ATR: variants seen among roughly 807,000 people sequenced by gnomAD.
ATR encodes ATR checkpoint kinase.
In ATR, 142 loss-of-function variants were observed where a neutral mutation model predicts 305.3. The ratio of observed to expected loss-of-function variants is 0.47; its 90% CI spans 0.41 to 0.53. The LOEUF is 0.53. Ranked by LOEUF, ATR falls within the 20% of genes least tolerant of loss-of-function variation. The pLI, the probability that ATR is intolerant of heterozygous loss-of-function variation, is 0.00. For synonymous variants in ATR, 1,050 were observed against 1,068.1 expected, an observed-to-expected ratio of 0.98 and a Z score of 0.33; for missense variants, 2,135 against 3,133.1, an observed-to-expected ratio of 0.68 and a Z score of 7.60.
In ATR at chr3:142,449,351, T is replaced by C. The variant is rs1040978535; in HGVS notation, c.*78A>G. On this transcript the variant is annotated 3_prime_UTR_variant, in exon 47 of 47. Coordinates refer to ENST00000350721, the MANE Select transcript of ATR (RefSeq NM_001184.4). Reference sequence around the variant, plus strand: ...CGTAAATTTATGTTGTACTTTAGAATTGAACAGATACAACCACAGATTCAT... The same window carrying C: ...CGTAAATTTATGTTGTACTTTAGAACTGAACAGATACAACCACAGATTCAT... 1.0e-5 allele frequency: 14 copies of C among 1,368,260 alleles called. No homozygotes were observed. Among genetic ancestry groups the C allele is most frequent in the Non-Finnish European group, 1.3e-5 (13 of 964,514 alleles). 84.8% of individuals were successfully genotyped at this position (1,368,260 alleles called of 1,614,324 possible).
At chr3:142,530,595 G>A (rs969509047) in intron 21 of ATR, among the ~76,000 whole-genome samples, 1 of 152,184 alleles carries the variant, frequency 6.6e-6, no homozygotes, top group East Asian at 1.9e-4. Flanking sequence ...CGTCAGCATA[G>A]TGAAGTGCAG....
intron 46 of ATR, chr3:142,452,208 G>A: frequency 1.0e-6 from 1 of 997,366 alleles, no homozygotes; most frequent in South Asian, 4.4e-5. Context: ...TCAGTAGGAT[G>A]AAAGTGGACT....
At chr3:142,548,697 C>A (rs115232912) in intron 15 of ATR, among the ~76,000 whole-genome samples, 3,046 of 151,748 alleles carry the variant, frequency 0.02, 105 homozygotes, top group African/African-American at 0.07. Context: ...ATTAAGAGTA[C>A]CTTTATCTCA....
chr3:142,455,984 A>C (rs372194384), intron 45 of ATR, among the ~76,000 whole-genome samples: 7 of 152,264 alleles, frequency 4.6e-5, no homozygotes, highest in African/African-American at 1.7e-4. Context: ...TTTGAAAATC[A>C]TATCTTAAAA....
At chr3:142,486,805 A>G (rs544013073) in intron 35 of ATR, among the ~76,000 whole-genome samples, 1 of 151,964 alleles carries the variant, frequency 6.6e-6, no homozygotes, top group Admixed American at 6.6e-5. Flanking sequence ...TTATATAAAT[A>G]GAATCATACT....
At chr3:142,485,957 T>C (rs1577550986) in intron 35 of ATR, among the ~76,000 whole-genome samples, 2 of 152,350 alleles carry the variant, frequency 1.3e-5, no homozygotes, top group Admixed American at 1.3e-4. Flanking sequence ...CTCTCTTCAA[T>C]ATGTTTCTGT....
At chr3:142,535,668 A>C (rs1480829283) in intron 20 of ATR, among the ~76,000 whole-genome samples, 1 of 152,186 alleles carries the variant, frequency 6.6e-6, no homozygotes, top group Non-Finnish European at 1.5e-5. Flanking sequence ...CTAAGATTTA[A>C]GATGCTGGAA....
At chr3:142,569,469 T>C (rs1462678574) in intron 1 of ATR, among the ~76,000 whole-genome samples, 2 of 151,968 alleles carry the variant, frequency 1.3e-5, no homozygotes, top group Admixed American at 6.6e-5. Flanking sequence ...CACAGGTGCA[T>C]GTCACCACAC....
At chr3:142,496,322 ATATATATATATATATG>A (rs2031630830) in intron 34 of ATR, 23 bp downstream of exon 34, 1 of 246,604 alleles carries the variant, frequency 4.1e-6, no homozygotes, top group Admixed American at 5.7e-5. Flanking sequence ...ATATATATAT[ATATATATATATATATG>A]ATGACATTTC....
intron 4 of ATR, 146 bp downstream of exon 4, chr3:142,562,086 A>G: frequency 4.3e-6 from 4 of 925,224 alleles, no homozygotes; most frequent in Non-Finnish European, 6.3e-6. Flanking sequence ...ATAGTGAGCC[A>G]GACTACACTA....
chr3:142,568,530 G>T (rs1231326537), intron 1 of ATR, among the ~76,000 whole-genome samples: 2 of 152,192 alleles, frequency 1.3e-5, no homozygotes, highest in Non-Finnish European at 2.9e-5. Context: ...TCTCCAGGGC[G>T]CTAGTGGGCA....
intron 36 of ATR, among the ~76,000 whole-genome samples, chr3:142,477,743 G>A (rs2030004528): frequency 6.6e-6 from 1 of 152,112 alleles, no homozygotes; most frequent in Admixed American, 6.5e-5. Context: ...TGGTTGGTAA[G>A]CTATTAATTA....
At chr3:142,511,620 C>T (rs973691835) in intron 27 of ATR, among the ~76,000 whole-genome samples, 2 of 151,802 alleles carry the variant, frequency 1.3e-5, no homozygotes, top group African/African-American at 4.8e-5. Context: ...CCTGTCACTG[C>T]ACTCCAGCCT....
intron 21 of ATR, among the ~76,000 whole-genome samples, chr3:142,528,854 C>CAA (rs2033506980): frequency 1.5e-5 from 1 of 65,724 alleles, no homozygotes; most frequent in African/African-American, 1.0e-4. Flanking sequence ...CTGGAATTAT[C>CAA]ATATATATAT....
intron 36 of ATR, among the ~76,000 whole-genome samples, chr3:142,484,814 G>A (rs1463027128): frequency 6.6e-6 from 1 of 151,980 alleles, no homozygotes; most frequent in Non-Finnish European, 1.5e-5. Flanking sequence ...TCCACTGCTT[G>A]GTGTATGGGG....
At chr3:142,560,224 C>T (rs760112798) in intron 6 of ATR, 39 bp downstream of exon 6, 2 of 1,585,464 alleles carry the variant, frequency 1.3e-6, no homozygotes, top group Admixed American at 1.7e-5. Context: ...AAGTTCATTA[C>T]AGGAAACCCA....
rs1421749006 is a variant in ATR, at chr3:142,538,394, A to C, written c.3725+88T>G. The C allele has an allele frequency of 1.7e-5, 24 of 1,409,162 alleles. No individual in the cohort carries two copies. In the East Asian group the frequency reaches 2.9e-4, roughly 17 times the overall value. 87.3% of individuals were successfully genotyped at this position (1,409,162 alleles called of 1,614,324 possible). ...ATAAACCCTGAAATTCAAAAAAGTG[A>C]CAGTTTCCACATTACCATCAGTAAT... On this transcript the variant is annotated intron_variant, in intron 19 of 46. Transcript: ENST00000350721.
chr3:142,470,089 T>A lies in ATR; in HGVS notation c.6316A>T (p.Lys2106Ter). 1 of 1,601,996 alleles carries A rather than the reference T, an allele frequency of 6.2e-7. No homozygotes were observed. Among genetic ancestry groups the A allele is most frequent in the Non-Finnish European group, 8.5e-7 (1 of 1,170,250 alleles). The change falls in exon 37 of 47, where the codon AAA becomes TAA. Residue 2106 changes from lysine to a stop codon, truncating the protein, a stop_gained. Coordinates refer to ENST00000350721, the MANE Select transcript of ATR (RefSeq NM_001184.4). LOFTEE classifies it high-confidence loss of function. ...ACTTTTACGTGAAGAGTTATACCTT[T>A]TTCCCATTCATATGCCTTTGTACCA... ...DYGTKAYEWE[K>*]AGRSDRVQMR...
intron 35 of ATR, among the ~76,000 whole-genome samples, chr3:142,485,969 G>A (rs2030894913): frequency 6.6e-6 from 1 of 152,096 alleles, no homozygotes; most frequent in African/African-American, 2.4e-5. Flanking sequence ...TGTTTCTGTT[G>A]TCCAAGTCAC....
Sources: allele counts gnomAD v4.1 joint callset (sites outside exome capture counted in the v4.1 genomes callset), GRCh38; gene constraint gnomAD v4.1.1; transcripts MANE v1.5; gene names NCBI Gene and HGNC (gene_info 2026-07-23, HGNC 2026-07-21).